Variants in CD300LF observed in about 807,000 individuals in gnomAD.
CD300LF encodes CMRF35-like molecule 1.
CD300LF carries 27 observed loss-of-function variants against 32.2 expected under a neutral mutation model. The ratio of observed to expected loss-of-function variants is 0.84; its 90% confidence interval spans 0.62 to 1.15. The LOEUF (loss-of-function observed/expected upper bound fraction) is 1.15, where lower values mean the gene tolerates loss of function less well. Ranked by LOEUF, CD300LF falls within the 50% of genes most tolerant of loss-of-function variation. The pLI is 0.00. For synonymous variants in CD300LF, 139 were observed against 143.2 expected (o/e 0.97, Z 0.21); for missense variants, 348 against 356.8 (o/e 0.98, Z 0.20).
intron 6 of CD300LF, 91 bp from the exon 7 acceptor site, chr17:74,695,342 G>T (rs934073471): frequency 1.4e-6 from 2 of 1,475,308 alleles, no homozygotes; most frequent in Non-Finnish European, 1.9e-6. Context: ...AGTGGGGATG[G>T]ACCATTCAGG....
intron 6 of CD300LF, 22 bp downstream of exon 6, chr17:74,695,703 G>A (rs746022072): frequency 6.2e-7 from 1 of 1,613,954 alleles, no homozygotes; most frequent in Non-Finnish European, 8.5e-7. Context: ...CAGCCTCACA[G>A]CAGCCCCCAT....
chr17:74,699,851 C>G (rs1158685405), intron 3 of CD300LF, among the ~76,000 whole-genome samples: 1 of 151,980 alleles, frequency 6.6e-6, no homozygotes, highest in Non-Finnish European at 1.5e-5. Flanking sequence ...TCTCAAAATT[C>G]TGCAACAGGC....
intron 3 of CD300LF, among the ~76,000 whole-genome samples, chr17:74,700,254 G>A (rs941286731): frequency 6.6e-6 from 1 of 152,050 alleles, no homozygotes; most frequent in Non-Finnish European, 1.5e-5. Flanking sequence ...AATGGCCAGG[G>A]CTGACAATGG....
At chr17:74,710,474 A>G (rs2033863986) in intron 1 of CD300LF, among the ~76,000 whole-genome samples, 2 of 152,248 alleles carry the variant, frequency 1.3e-5, no homozygotes, top group African/African-American at 4.8e-5. Context: ...GTTGGAAAGT[A>G]AAGTAGAAAA....
intron 1 of CD300LF, among the ~76,000 whole-genome samples, chr17:74,709,199 G>A (rs1356449287): frequency 2.6e-5 from 4 of 151,768 alleles, no homozygotes; most frequent in Admixed American, 6.6e-5. Context: ...ACTCCAGCCT[G>A]GAGACAGAGC....
intron 1 of CD300LF, among the ~76,000 whole-genome samples, chr17:74,707,582 G>A (rs1397947895): frequency 6.6e-6 from 1 of 152,042 alleles, no homozygotes; most frequent in Admixed American, 6.6e-5. Flanking sequence ...AGGTGTGGTG[G>A]AGTGCACCTG....
intron 4 of CD300LF, among the ~76,000 whole-genome samples, chr17:74,698,155 G>A (rs977795999): frequency 1.3e-5 from 2 of 152,224 alleles, no homozygotes; most frequent in African/African-American, 4.8e-5. Context: ...AAGGACGGAG[G>A]TGCAGGGCAG....
intron 4 of CD300LF, among the ~76,000 whole-genome samples, chr17:74,696,903 TGTTTGGTTTG>T (rs72122986): frequency 0.17 from 25,477 of 146,810 alleles, 3,812 homozygotes; most frequent in African/African-American, 0.41. Flanking sequence ...GGACCGATTT[TGTTTGGTTTG>T]GTTTGGTTTG....
At chr17:74,703,184 C>T in intron 2 of CD300LF, 86 bp from the exon 3 acceptor site, 1 of 1,554,380 alleles carries the variant, frequency 6.4e-7, no homozygotes, top group Middle Eastern at 2.1e-4. Flanking sequence ...TCACAGATGC[C>T]CCTGCCCATG....
rs964743677 is a variant in CD300LF, at chr17:74,694,465, A to G, written c.*631T>C. The G allele has an allele frequency of 6.6e-6, 1 of 152,214 alleles. No homozygotes were observed. The highest frequency in any genetic ancestry group is 2.4e-5 in the African/African-American group (1 of 41,430). The allele number at this position is 152,214 out of a possible 1,614,324, so 9.4% of individuals were successfully genotyped here. ...GAATCCATTCCTTTCCCTTTCTGGC[A>G]TCTGAAGGCTGCGGCATTCATGGCC... is the stretch of plus-strand genomic sequence containing the variant. On this transcript the variant is annotated 3_prime_UTR_variant, in exon 7 of 7. Coordinates refer to ENST00000326165, the MANE Select transcript of CD300LF (RefSeq NM_139018.5).
At position 74,704,742 on chromosome 17, in the gene CD300LF, A is replaced by G. The variant is rs112314108; in HGVS notation, c.118T>C (p.Cys40Arg). The G allele has an allele frequency of 1.2e-6, 2 of 1,614,124 alleles. No individual in the cohort carries two copies. Among genetic ancestry groups the G allele is most frequent in the East Asian group, 4.5e-5 (2 of 44,868 alleles). ...GTCTCCCAGCCTGATCTGTAAACAC[A>G]CTGCACGGTCAAGGAGCCCCGCTCC... ...GLERGSLTVQ[C>R]VYRSGWETYL... The change falls in exon 2 of 7, where the codon TGT becomes CGT. Residue 40 changes from cysteine (C) to arginine (R), a missense_variant. Transcript: ENST00000326165.
chr17:74,711,381 T>C (rs2143937484), intron 1 of CD300LF, among the ~76,000 whole-genome samples: 2 of 152,348 alleles, frequency 1.3e-5, no homozygotes, highest in African/African-American at 4.8e-5. Context: ...CAGCCATACC[T>C]GTCCTGGTCT....
At chr17:74,702,541 A>C (rs190854459) in intron 3 of CD300LF, among the ~76,000 whole-genome samples, 1 of 152,134 alleles carries the variant, frequency 6.6e-6, no homozygotes, top group South Asian at 2.1e-4. Flanking sequence ...TGTTCTTGCC[A>C]TAATAGTAAT....
intron 1 of CD300LF, among the ~76,000 whole-genome samples, chr17:74,712,335 A>G (rs2034025088): frequency 6.6e-6 from 1 of 151,880 alleles, no homozygotes; most frequent in Non-Finnish European, 1.5e-5. Flanking sequence ...TCCGTCCCTC[A>G]GCAACTTCTA....
intron 3 of CD300LF, among the ~76,000 whole-genome samples, chr17:74,698,857 A>G (rs1227777848): frequency 6.6e-6 from 1 of 152,182 alleles, no homozygotes. Flanking sequence ...GTACCCCTGA[A>G]GCTAAAATAA....
intron 1 of CD300LF, chr17:74,705,095 G>C: frequency 1.5e-6 from 1 of 657,578 alleles, no homozygotes; most frequent in African/African-American, 1.8e-5. Context: ...TCCACCCTAC[G>C]GCCAAGGTAA....
At chr17:74,700,377 T>C (rs2032936537) in intron 3 of CD300LF, among the ~76,000 whole-genome samples, 1 of 151,962 alleles carries the variant, frequency 6.6e-6, no homozygotes, top group East Asian at 1.9e-4. Flanking sequence ...TCCAGTTGCA[T>C]TTTTCTCCAG....
intron 1 of CD300LF, among the ~76,000 whole-genome samples, chr17:74,709,372 AAG>A (rs2033780831): frequency 6.6e-6 from 1 of 152,214 alleles, no homozygotes. Context: ...TTAGCAAACT[AAG>A]AGAACTGCCT....
At chr17:74,695,427 A>G (rs1259095559) in intron 6 of CD300LF, among the ~76,000 whole-genome samples, 176 bp from the exon 7 acceptor site, 1 of 152,050 alleles carries the variant, frequency 6.6e-6, no homozygotes, top group African/African-American at 2.4e-5. Context: ...CCACAACAGA[A>G]CAGATTCTCC....
Sources: gnomAD v4.1 joint callset for allele counts (sites outside exome capture counted in the v4.1 genomes callset) on GRCh38, gnomAD v4.1.1 for gene constraint, MANE v1.5 for transcripts, NCBI Gene and HGNC (gene_info 2026-07-23, HGNC 2026-07-21) for gene names.